Variants in ROCK1 observed in about 807,000 individuals in gnomAD.
ROCK1 encodes Rho associated coiled-coil containing protein kinase 1, also known as rho-associated protein kinase 1.
Under a neutral mutation model 196.8 loss-of-function variants are expected in ROCK1, and 36 were observed. The observed-to-expected ratio is 0.18, with a 90% CI of 0.14 to 0.24. The LOEUF is 0.24. Among genes scored for constraint, ROCK1 ranks in the 10% least tolerant of loss-of-function variants. The pLI is 1.00. For synonymous variants in ROCK1, 443 were observed against 515.9 expected, an observed-to-expected ratio of 0.86 and a Z score of 1.91; for missense variants, 920 against 1,562.0, an observed-to-expected ratio of 0.59 and a Z score of 6.93.
At chr18:20,962,472 T>C (rs1481031806) in intron 27 of ROCK1, among the ~76,000 whole-genome samples, 2 of 152,198 alleles carry the variant, frequency 1.3e-5, no homozygotes, top group Admixed American at 6.5e-5. Context: ...CAAAATACCC[T>C]ATACTTTCAC....
chr18:20,955,481 C>T (rs2035233008), intron 29 of ROCK1: 1 of 412,840 alleles, frequency 2.4e-6, no homozygotes. Flanking sequence ...AAGTAAATCA[C>T]TCATATACTG....
chr18:20,978,246 C>T (rs1169777266), intron 22 of ROCK1, among the ~76,000 whole-genome samples: 4 of 151,336 alleles, frequency 2.6e-5, no homozygotes, highest in African/African-American at 9.7e-5. Context: ...TGAGTATCTC[C>T]AGTTTGCAAC....
chr18:21,043,744 T>C (rs904108370), intron 6 of ROCK1, among the ~76,000 whole-genome samples: 9 of 151,880 alleles, frequency 5.9e-5, no homozygotes, highest in Non-Finnish European at 8.8e-5. Context: ...CACACATTAC[T>C]GGAATCCAAT....
At position 21,111,065 on chromosome 18, in the gene ROCK1, AGG is replaced by A. The variant is rs1178634075; in HGVS notation, c.-157_-156del. On this transcript the variant is annotated 5_prime_UTR_variant, in exon 1 of 33. The change abolishes the stop of an existing upstream ORF in the 5' untranslated region. Transcript: ENST00000399799. The surrounding 1 kb of genome is among the most constrained non-coding windows in gnomAD (Gnocchi z 4.2). ...CGGTTCCCCCGTCTTCCCCTCACTGAGGGGACCTCCGCTCTCCAGACCCCGGG... is the reference window on the plus strand; with the variant it reads ...CGGTTCCCCCGTCTTCCCCTCACTGAGGACCTCCGCTCTCCAGACCCCGGG... 2 of 630,610 alleles carry A rather than the reference AGG, an allele frequency of 3.2e-6. No individual in the cohort carries two copies. The highest frequency in any genetic ancestry group is 5.6e-6 in the Non-Finnish European group (2 of 357,684). The allele number at this position is 630,610 out of a possible 1,614,324, so 39.1% of individuals were successfully genotyped here. A position where few individuals can be genotyped will look rare whatever the true frequency, so the allele number is the denominator to read the frequency against.
At chr18:21,067,214 A>T (rs1364264964) in intron 2 of ROCK1, among the ~76,000 whole-genome samples, 1 of 152,098 alleles carries the variant, frequency 6.6e-6, no homozygotes, top group Non-Finnish European at 1.5e-5. Context: ...GGCCATTTTT[A>T]CATCTTCTTT....
chr18:20,997,763 A>G (rs2035684821), intron 16 of ROCK1, among the ~76,000 whole-genome samples: 1 of 152,204 alleles, frequency 6.6e-6, no homozygotes, highest in African/African-American at 2.4e-5. Context: ...AAAATTCAAA[A>G]AAAGTAAAAT....
intron 2 of ROCK1, among the ~76,000 whole-genome samples, chr18:21,061,250 C>T (rs564365065): frequency 7.0e-4 from 107 of 151,856 alleles, no homozygotes; most frequent in African/African-American, 2.4e-3. Flanking sequence ...GGCTAATTTT[C>T]GTATTTTTTA....
intron 2 of ROCK1, among the ~76,000 whole-genome samples, chr18:21,050,350 A>C (rs2036193966): frequency 6.6e-6 from 1 of 152,072 alleles, no homozygotes; most frequent in Non-Finnish European, 1.5e-5. Flanking sequence ...ACACTAAAAA[A>C]AAAAAAAACA....
intron 16 of ROCK1, among the ~76,000 whole-genome samples, chr18:20,997,421 A>C (rs2035681585): frequency 6.6e-6 from 1 of 152,234 alleles, no homozygotes; most frequent in African/African-American, 2.4e-5. Context: ...GTAATGATAA[A>C]GGGGTCAATT....
intron 2 of ROCK1, among the ~76,000 whole-genome samples, chr18:21,057,265 T>G (rs534780673): frequency 1.3e-5 from 2 of 152,270 alleles, no homozygotes; most frequent in Non-Finnish European, 2.9e-5. Context: ...AATACTACTA[T>G]GCAACATATT....
At chr18:21,035,675 T>C (rs778098331) in intron 9 of ROCK1, among the ~76,000 whole-genome samples, 7 of 152,122 alleles carry the variant, frequency 4.6e-5, no homozygotes, top group Non-Finnish European at 8.8e-5. Flanking sequence ...TCACAATAGC[T>C]AAAAGAGATA....
At position 20,982,809 on chromosome 18, in the gene ROCK1, T is replaced by C. The variant is rs1687005787; in HGVS notation, c.2513A>G (p.Gln838Arg). The C allele has an allele frequency of 1.3e-6, 2 of 1,571,660 alleles. No homozygotes were observed. Among genetic ancestry groups the C allele is most frequent in the Middle Eastern group, 1.7e-4 (1 of 5,982 alleles). Residue 838 changes from glutamine to arginine, a missense_variant, in exon 21 of 33, where the codon CAG becomes CGG. Gln to Arg is a conservative substitution (Grantham distance 43, BLOSUM62 1). Coordinates refer to ENST00000399799, the MANE Select transcript of ROCK1 (RefSeq NM_005406.3). ...LTKQYRGNEG[Q>R]MRELQDQLEA... ...AAGCTGATCTTGTAGCTCCCGCATC[T>C]GTCCTTCATTTCCTCTATACTGTCT...
Position 21,049,080 on chromosome 18 carries a change from G to T in ROCK1, c.414+12C>A. The T allele has an allele frequency of 6.4e-7, 1 of 1,570,816 alleles. No homozygotes were observed. The highest frequency in any genetic ancestry group is 1.2e-5 in the South Asian group (1 of 83,566). On this transcript the variant is annotated intron_variant, in intron 4 of 32. Coordinates refer to ENST00000399799, the MANE Select transcript of ROCK1 (RefSeq NM_005406.3). ...CTAATGCAGCAATAATGAAAGAGTA[G>T]CAAAGTCATACCTGAACAACCCAAG... is the stretch of plus-strand genomic sequence containing the variant.
intron 1 of ROCK1, among the ~76,000 whole-genome samples, chr18:21,110,244 A>G (rs934238406): frequency 6.6e-6 from 1 of 152,206 alleles, no homozygotes; most frequent in Non-Finnish European, 1.5e-5. Flanking sequence ...TTAACACTGT[A>G]ATTACCTATG....
intron 16 of ROCK1, among the ~76,000 whole-genome samples, chr18:21,005,020 C>T (rs1351861220): frequency 5.3e-5 from 8 of 152,126 alleles, no homozygotes; most frequent in Non-Finnish European, 8.8e-5. Flanking sequence ...ACTATGTTCC[C>T]ATCTCTAACT....
chr18:21,046,213 G>A (rs1170550180), intron 4 of ROCK1, among the ~76,000 whole-genome samples: 2 of 151,948 alleles, frequency 1.3e-5, no homozygotes, highest in Admixed American at 1.3e-4. Context: ...CCCGGCCTCA[G>A]CTGTTTCTTA....
At chr18:21,017,588 T>C (rs543749136) in intron 12 of ROCK1, among the ~76,000 whole-genome samples, 2 of 152,304 alleles carry the variant, frequency 1.3e-5, no homozygotes, top group Admixed American at 1.3e-4. Context: ...ACTATATTGT[T>C]GACAAGCACA....
intron 1 of ROCK1, among the ~76,000 whole-genome samples, chr18:21,081,051 G>A (rs1472257388): frequency 1.3e-5 from 2 of 152,136 alleles, no homozygotes; most frequent in African/African-American, 2.4e-5. Flanking sequence ...ACTCTATCCA[G>A]TAACAAAATA....
intron 4 of ROCK1, among the ~76,000 whole-genome samples, chr18:21,047,261 T>C (rs952596096): frequency 2.0e-5 from 3 of 152,196 alleles, no homozygotes; most frequent in Admixed American, 2.0e-4. Context: ...TGTTAACTAG[T>C]GGTGAAAACA....
Sources: allele counts gnomAD v4.1 joint callset (sites outside exome capture counted in the v4.1 genomes callset), GRCh38; gene constraint gnomAD v4.1.1; non-coding constraint Gnocchi (gnomAD v3.1); transcripts MANE v1.5; gene names NCBI Gene and HGNC (gene_info 2026-07-23, HGNC 2026-07-21).